The following DCP2 variants were observed in gnomAD, a reference collection of about 807,000 sequenced individuals.
DCP2 encodes decapping mRNA 2, also known as m7GpppN-mRNA hydrolase.
DCP2 carries 30 observed loss-of-function variants against 56.1 expected under a neutral mutation model. The ratio of observed to expected loss-of-function variants is 0.53; its 90% CI spans 0.40 to 0.73. DCP2 has a LOEUF of 0.73. Ranked by LOEUF, DCP2 falls within the 30% of genes least tolerant of loss-of-function variation. DCP2 has a pLI of 0.00. For missense variants in DCP2, 533 were observed against 502.7 expected (o/e 1.06, Z -0.58); for synonymous variants, 197 against 163.3 (o/e 1.21, Z -1.57).
chr5:112,977,090 C>A, intron 1 of DCP2, 104 bp downstream of exon 1: 1 of 817,208 alleles, frequency 1.2e-6, no homozygotes, highest in Non-Finnish European at 1.8e-6. Flanking sequence ...CATGTCCTCG[C>A]TTTCCGCTCC....
chr5:112,988,197 C>T (rs1203559488), intron 2 of DCP2, among the ~76,000 whole-genome samples: 1 of 151,760 alleles, frequency 6.6e-6, no homozygotes, highest in African/African-American at 2.4e-5. Context: ...AAAACGGTAT[C>T]CAAGGCCGGG....
In DCP2 at chr5:112,976,939, G is replaced by C; in HGVS notation, c.6G>C (p.Glu2Asp). The change falls in exon 1 of 11, where the codon GAG becomes GAC. Residue 2 changes from glutamate (E) to aspartate (D), a missense_variant. Around this residue, in one of 3 missense-constraint regions of DCP2, gnomAD observed 137 missense variants for 138.2 expected, o/e 0.99. Coordinates refer to ENST00000389063, the MANE Select transcript of DCP2 (RefSeq NM_152624.6). ...TCCTGCTGTGGGTCCTCATCATGGA[G>C]ACCAAACGGGTGGAGATTCCCGGCA... M[E>D]TKRVEIPGSV... 6.2e-7 allele frequency: 1 copy of C among 1,608,912 alleles called. No individual in the cohort carries two copies. Among genetic ancestry groups the C allele is most frequent in the East Asian group, 2.2e-5 (1 of 44,584 alleles).
chr5:112,999,217 C>T (rs954506829), intron 4 of DCP2, among the ~76,000 whole-genome samples: 8 of 152,154 alleles, frequency 5.3e-5, no homozygotes, highest in Admixed American at 4.6e-4. Flanking sequence ...ATATGACTAG[C>T]TATGTATACT....
intron 1 of DCP2, 56 bp downstream of exon 1, chr5:112,977,042 C>A: frequency 7.3e-7 from 1 of 1,375,162 alleles, no homozygotes; most frequent in Non-Finnish European, 9.7e-7. Context: ...GTTTCGCGGA[C>A]CCCCAGAGGC....
At chr5:112,978,361 G>C (rs74320564) in intron 1 of DCP2, among the ~76,000 whole-genome samples, 144 of 152,316 alleles carry the variant, frequency 9.5e-4, no homozygotes, top group African/African-American at 3.3e-3. Context: ...GGTGCAGTTA[G>C]TATATTTCCA....
intron 2 of DCP2, 142 bp downstream of exon 2, chr5:112,986,128 T>A: frequency 1.4e-6 from 1 of 705,410 alleles, no homozygotes; most frequent in Non-Finnish European, 2.2e-6. Context: ...ACATAAATAG[T>A]AGACACAATT....
rs1749879458 is a variant in DCP2 at position 113,016,201 on chromosome 5, G to A, written c.*2717G>A. ...CAAAAGATAAGGGTGTGGTTTACAT[G>A]CTTTTCAAAAATTTTTGTTAAGAAG... On this transcript the variant is annotated 3_prime_UTR_variant, in exon 11 of 11. Coordinates refer to ENST00000389063, the MANE Select transcript of DCP2 (RefSeq NM_152624.6). 1 of 152,566 alleles carries A rather than the reference G, an allele frequency of 6.6e-6. No homozygotes were observed. The highest frequency in any genetic ancestry group is 2.4e-5 in the African/African-American group (1 of 41,432). The allele number at this position is 152,566 out of a possible 1,614,324, so 9.5% of individuals were successfully genotyped here. A position where few individuals can be genotyped will look rare whatever the true frequency, so the allele number is the denominator to read the frequency against.
chr5:113,001,596 T>C lies in DCP2; in HGVS notation c.728T>C (p.Phe243Ser). The change falls in exon 7 of 11, where the codon TTT (phenylalanine) becomes TCT (serine). Residue 243 changes from phenylalanine (F) to serine (S), a missense_variant. Phe to Ser is a radical substitution (Grantham distance 155). Around this residue, in one of 3 missense-constraint regions of DCP2, gnomAD observed 392 missense variants for 346.6 expected, o/e 1.13. Coordinates refer to ENST00000389063, the MANE Select transcript of DCP2 (RefSeq NM_152624.6). ...RPLRDWLSRRFGDSSDSDNGF... is the reference protein window; with the variant it reads ...RPLRDWLSRRSGDSSDSDNGF... ...TTAAGGGACTGGCTTTCTCGAAGAT[T>C]TGGCGATTCCTCAGACAGTGACAAT... 6.2e-7 allele frequency: 1 copy of C among 1,614,204 alleles called. No homozygotes were observed. The highest frequency in any genetic ancestry group is 1.1e-5 in the South Asian group (1 of 91,090).
rs1349447459 is a variant in DCP2, at chr5:113,019,938, G to C, written c.*6454G>C. 2 of 152,228 alleles carry C rather than the reference G, an allele frequency of 1.3e-5. No individual in the cohort carries two copies. Among genetic ancestry groups the C allele is most frequent in the Admixed American group, 1.3e-4 (2 of 15,282 alleles). 9.4% of individuals were successfully genotyped at this position (152,228 alleles called of 1,614,324 possible). A position where few individuals can be genotyped will look rare whatever the true frequency, so the allele number is the denominator to read the frequency against. ...TTGTCTAACCGAAATAGGGCATACAGATTAGTTTGGATGGGAAAGTGGTAA... is the reference window on the plus strand; with the variant it reads ...TTGTCTAACCGAAATAGGGCATACACATTAGTTTGGATGGGAAAGTGGTAA... On this transcript the variant is annotated 3_prime_UTR_variant, in exon 11 of 11. Transcript: ENST00000389063.
chr5:112,979,789 C>A (rs1467653855), intron 1 of DCP2, among the ~76,000 whole-genome samples: 1 of 152,148 alleles, frequency 6.6e-6, no homozygotes, highest in Non-Finnish European at 1.5e-5. Flanking sequence ...AATTAGCACA[C>A]AGTAAACTGA....
At position 113,018,486 on chromosome 5, in the gene DCP2, T is replaced by C. The variant is rs1194418813; in HGVS notation, c.*5002T>C. On this transcript the variant is annotated 3_prime_UTR_variant, in exon 11 of 11. Transcript: ENST00000389063. The stretch of plus-strand genomic sequence containing the variant: ...GGTGCTTACGTTAGCTGGGTAGTAT[T>C]GGTCAAAGGTACTCTGAAGAGTGAA... 2 of 152,230 alleles carry C rather than the reference T, an allele frequency of 1.3e-5. No homozygotes were observed. The highest frequency in any genetic ancestry group is 4.8e-5 in the African/African-American group (2 of 41,464). 9.4% of individuals were successfully genotyped at this position (152,230 alleles called of 1,614,324 possible).
At chr5:113,001,516 A>G in intron 6 of DCP2, 47 bp downstream of exon 6, 2 of 1,607,492 alleles carry the variant, frequency 1.2e-6, no homozygotes, top group Non-Finnish European at 1.7e-6. Flanking sequence ...TGGGATAGTC[A>G]TCTTCTGTCT....
chr5:112,990,372 C>A (rs1748523989), intron 2 of DCP2, among the ~76,000 whole-genome samples: 1 of 152,110 alleles, frequency 6.6e-6, no homozygotes, highest in African/African-American at 2.4e-5. Context: ...AGTAAGCACT[C>A]AGCAACGTGG....
At chr5:112,986,141 GTAA>G in intron 2 of DCP2, 155 bp downstream of exon 2, 1 of 620,964 alleles carries the variant, frequency 1.6e-6, no homozygotes, top group South Asian at 3.5e-5. Context: ...ACACAATTTA[GTAA>G]TAATCATATT....
At chr5:112,986,101 T>C in intron 2 of DCP2, 115 bp downstream of exon 2, 2 of 1,028,038 alleles carry the variant, frequency 1.9e-6, no homozygotes, top group Non-Finnish European at 2.7e-6. Flanking sequence ...ACATACTTGA[T>C]TGCTAAAATT....
intron 2 of DCP2, among the ~76,000 whole-genome samples, chr5:112,986,325 AT>A (rs1421614128): frequency 1.4e-5 from 2 of 147,644 alleles, no homozygotes; most frequent in Non-Finnish European, 3.0e-5. Context: ...TTTCTGATTT[AT>A]TTAGAATTTT....
In DCP2 at chr5:113,020,485, G is replaced by C. The variant is rs560027734; in HGVS notation, c.*7001G>C. 58 of 152,310 alleles carry C rather than the reference G, an allele frequency of 3.8e-4. No individual in the cohort carries two copies. The highest frequency in any genetic ancestry group is 1.4e-3 in the African/African-American group (57 of 41,566). 9.4% of individuals were successfully genotyped at this position (152,310 alleles called of 1,614,324 possible). ...GAAAAGGAACCCCAAAACACCTGTA[G>C]TGTTCACCTTGTTATAAGAACAGAA... On this transcript the variant is annotated 3_prime_UTR_variant, in exon 11 of 11. Coordinates refer to ENST00000389063, the MANE Select transcript of DCP2 (RefSeq NM_152624.6).
At chr5:112,978,430 C>G (rs1039013801) in intron 1 of DCP2, among the ~76,000 whole-genome samples, 12 of 152,208 alleles carry the variant, frequency 7.9e-5, no homozygotes, top group East Asian at 1.9e-4. Context: ...CACATTCATC[C>G]TAATTCACAA....
chr5:113,017,056 G>T lies in DCP2; in HGVS notation c.*3572G>T. Reference sequence around the variant, plus strand: ...GGGTTTCTCCATGTTGGTCAGGGTGGTCTCTCTTGGCTTTTTATCTTTATT... The same window carrying T: ...GGGTTTCTCCATGTTGGTCAGGGTGTTCTCTCTTGGCTTTTTATCTTTATT... On this transcript the variant is annotated 3_prime_UTR_variant, in exon 11 of 11. Transcript: ENST00000389063. 6.6e-6 allele frequency: 1 copy of T among 152,042 alleles called. No individual in the cohort carries two copies. The highest frequency in any genetic ancestry group is 1.9e-4 in the East Asian group (1 of 5,184). The allele number at this position is 152,042 out of a possible 1,614,324, so 9.4% of individuals were successfully genotyped here.
Sources: allele counts gnomAD v4.1 joint callset (sites outside exome capture counted in the v4.1 genomes callset), GRCh38; gene constraint gnomAD v4.1.1; regional missense constraint gnomAD v4.1.1; transcripts MANE v1.5; gene names NCBI Gene and HGNC (gene_info 2026-07-23, HGNC 2026-07-21).